The following POM121 variants were observed in gnomAD, a reference collection of about 807,000 sequenced individuals.
The protein encoded by POM121 is POM121 transmembrane nucleoporin, also known as nuclear envelope pore membrane protein POM 121.
POM121 carries 32 observed loss-of-function variants against 81.3 expected under a neutral mutation model. The ratio of observed to expected loss-of-function variants is 0.39; its 90% CI spans 0.30 to 0.53. The LOEUF (loss-of-function observed/expected upper bound fraction) is 0.53. POM121 is among the 20% of genes least tolerant of loss of function. POM121 has a pLI of 0.66. For synonymous variants in POM121, 514 were observed against 694.2 expected (o/e 0.74, Z 4.08); for missense variants, 1,138 against 1,614.6 (o/e 0.70, Z 5.06).
rs782495243 is a variant in POM121 at position 72,940,968 on chromosome 7, T to TC, written c.1823dup (p.Ser609GlufsTer15). On this transcript the variant is annotated frameshift_variant, in exon 10 of 13. Coordinates refer to ENST00000434423, the MANE Select transcript of POM121 (RefSeq NM_001387691.1). LOFTEE classifies it high-confidence loss of function. ...TAGAGAGCTTGAAGAAGATGCAGAC[T>TC]CCCCCGAGCCTGCCACCCTGCCCAG... The TC allele has an allele frequency of 6.3e-7, 1 of 1,589,194 alleles. No homozygotes were observed. The highest frequency in any genetic ancestry group is 1.1e-5 in the South Asian group (1 of 88,052).
rs781789475 is a variant in POM121 at position 72,926,889 on chromosome 7, C to T, written c.948C>T (p.Leu316=). 2 of 1,613,914 alleles carry T rather than the reference C, an allele frequency of 1.2e-6. No homozygotes were observed. The highest frequency in any genetic ancestry group is 1.1e-5 in the South Asian group (1 of 91,062). The change falls in exon 3 of 13, where the codon CTC becomes CTT. Residue 316 remains leucine (L), a synonymous_variant. Transcript: ENST00000434423. ...PCAKETVLSA[L]KEKEKKRTVE... Reference sequence around the variant, plus strand: ...CAAAGGAGACAGTACTGAGTGCCCTCAAAGAGAAGGAGAAGAAAAGGACAG... The same window carrying T: ...CAAAGGAGACAGTACTGAGTGCCCTTAAAGAGAAGGAGAAGAAAAGGACAG...
intron 5 of POM121, among the ~76,000 whole-genome samples, chr7:72,931,609 C>T (rs1218562346): frequency 6.8e-6 from 1 of 147,002 alleles, no homozygotes; most frequent in Admixed American, 6.9e-5. Flanking sequence ...TTACTCTTGT[C>T]GCCCAGGCTG....
At chr7:72,898,739 A>G (rs1586087774) in intron 3 of POM121, among the ~76,000 whole-genome samples, 1 of 145,888 alleles carries the variant, frequency 6.9e-6, no homozygotes, top group South Asian at 2.2e-4. Flanking sequence ...TAGAGGTTGC[A>G]GTGAGCCGAG....
chr7:72,885,084 C>G (rs540185817), intron 1 of POM121, among the ~76,000 whole-genome samples: 212 of 152,300 alleles, frequency 1.4e-3, no homozygotes, highest in Non-Finnish European at 2.4e-3. Flanking sequence ...TCCGCAGTGC[C>G]ATTATAACAT....
intron 3 of POM121, among the ~76,000 whole-genome samples, chr7:72,891,452 G>A (rs1343057812): frequency 4.6e-5 from 7 of 152,134 alleles, no homozygotes; most frequent in African/African-American, 1.7e-4. Flanking sequence ...TGTCACCCAG[G>A]CTGGTGTGCA....
At chr7:72,944,885 A>G (rs2429280) in intron 11 of POM121, among the ~76,000 whole-genome samples, 148 of 150,864 alleles carry the variant, frequency 9.8e-4, no homozygotes, top group African/African-American at 1.2e-3. Context: ...TGGTGATGGG[A>G]AGGAAGCCAG....
At chr7:72,905,826 G>A (rs571234315) in intron 3 of POM121, among the ~76,000 whole-genome samples, 10 of 152,302 alleles carry the variant, frequency 6.6e-5, no homozygotes, top group South Asian at 2.1e-4. Flanking sequence ...TCCATTGGTC[G>A]ATGATGGTGT....
chr7:72,915,576 T>G (rs1350117481), intron 4 of POM121, among the ~76,000 whole-genome samples: 4 of 152,186 alleles, frequency 2.6e-5, no homozygotes, highest in African/African-American at 9.6e-5. Context: ...GGTTTCCCCA[T>G]GTTGGCCAGG....
intron 5 of POM121, among the ~76,000 whole-genome samples, chr7:72,930,432 G>A (rs782135519): frequency 1.3e-5 from 2 of 152,196 alleles, no homozygotes; most frequent in Non-Finnish European, 2.9e-5. Context: ...ATAGGCCAGC[G>A]GAATGGAGTA....
downstream of POM121, chr7:72,950,113 G>A (rs1797961780): frequency 9.4e-6 from 15 of 1,598,044 alleles, no homozygotes; most frequent in African/African-American, 1.4e-5. Context: ...ATGCAGATCT[G>A]TCTGGGCGGG....
chr7:72,949,727 G>A (rs1398345006), downstream of POM121: 10 of 756,108 alleles, frequency 1.3e-5, no homozygotes, highest in South Asian at 2.9e-5. Flanking sequence ...GGCAAATACC[G>A]TGAACTACTT....
At chr7:72,910,417 T>C (rs1361662607) in intron 3 of POM121, among the ~76,000 whole-genome samples, 2 of 152,118 alleles carry the variant, frequency 1.3e-5, no homozygotes, top group African/African-American at 4.8e-5. Flanking sequence ...TATTCTGCGG[T>C]GGGTGGGACG....
chr7:72,950,046 C>T (rs1797957673), downstream of POM121: 1 of 1,548,904 alleles, frequency 6.5e-7, no homozygotes, highest in African/African-American at 1.4e-5. Context: ...CTTTTCTATT[C>T]CTCTTGCCTA....
At chr7:72,918,677 T>C (rs1794519255) in intron 4 of POM121, among the ~76,000 whole-genome samples, 1 of 152,120 alleles carries the variant, frequency 6.6e-6, no homozygotes, top group Admixed American at 6.6e-5. Context: ...CTGGATGGCT[T>C]ACTGCCCACA....
chr7:72,942,216 A>G lies in POM121; in HGVS notation c.2223A>G (p.Glu741=). 6.2e-7 allele frequency: 1 copy of G among 1,610,010 alleles called. No homozygotes were observed. Among genetic ancestry groups the G allele is most frequent in the Non-Finnish European group, 8.5e-7 (1 of 1,179,856 alleles). The change falls in exon 11 of 13, where the codon GAA becomes GAG. Residue 741 remains glutamate (E), a synonymous_variant. Coordinates refer to ENST00000434423, the MANE Select transcript of POM121 (RefSeq NM_001387691.1). ...CGGCTCCACCCAAGAGTGAGAAGGA[A>G]GGCCCCACACCGCCTGGCCCTTCAG... The part of the protein sequence containing the change: ...IFTAPPKSEK[E]GPTPPGPSVT...
rs1452376339 is a variant in POM121, at chr7:72,925,118, C to T, written c.-4C>T. The T allele has an allele frequency of 2.4e-5, 34 of 1,392,694 alleles. No homozygotes were observed. The highest frequency in any genetic ancestry group is 1.5e-4 in the African/African-American group (10 of 65,706). 86.3% of individuals were successfully genotyped at this position (1,392,694 alleles called of 1,614,324 possible). A position where few individuals can be genotyped will look rare whatever the true frequency, so the allele number is the denominator to read the frequency against. On this transcript the variant is annotated 5_prime_UTR_variant, in exon 1 of 13. Transcript: ENST00000434423. ...TTAAGTCTCCTCCGCGGCGCGGAGC[C>T]GCGATGTCTCCGGCGGCTGCGGCGG...
intron 5 of POM121, among the ~76,000 whole-genome samples, chr7:72,935,353 A>G (rs1406341135): frequency 6.6e-6 from 1 of 152,088 alleles, no homozygotes; most frequent in Non-Finnish European, 1.5e-5. Flanking sequence ...TTAAAAACTT[A>G]TAATAGAGAC....
chr7:72,931,885 A>G lies in POM121; in HGVS notation c.1275+1774A>G, dbSNP rs115706820. 5.0e-3 allele frequency among the ~76,000 whole-genome samples: 764 copies of G among 152,292 alleles called. 4 individuals are homozygous for G. Among genetic ancestry groups the G allele is most frequent in the African/African-American group, 0.017 (719 of 41,556 alleles). ...CACGCCTGGCCCATGCAATTTCAAA[A>G]TAGCGGTATCAGTGTCATTGTTAAC... On this transcript the variant is annotated intron_variant, in intron 5 of 12. Transcript: ENST00000434423.
At chr7:72,880,250 C>T (rs1432932321) in intron 1 of POM121, among the ~76,000 whole-genome samples, 2 of 152,158 alleles carry the variant, frequency 1.3e-5, no homozygotes, top group African/African-American at 4.8e-5. Flanking sequence ...TATATCTGCC[C>T]TGGGAGAATC....
Sources: allele counts gnomAD v4.1 joint callset (sites outside exome capture counted in the v4.1 genomes callset), GRCh38; gene constraint gnomAD v4.1.1; transcripts MANE v1.5; gene names NCBI Gene and HGNC (gene_info 2026-07-23, HGNC 2026-07-21).